OCA2: variants seen among roughly 807,000 people sequenced by gnomAD.
OCA2 encodes OCA2 melanosomal transmembrane protein, also known as P protein.
OCA2 carries 77 observed loss-of-function variants against 100.2 expected under a neutral mutation model. The observed-to-expected ratio is 0.77, with a 90% CI of 0.64 to 0.93. The LOEUF (loss-of-function observed/expected upper bound fraction) is 0.93, where lower values mean the gene tolerates loss of function less well. OCA2 is among the 40% of genes least tolerant of loss of function. OCA2 has a pLI of 0.00. For missense variants in OCA2, 1,062 were observed against 1,089.1 expected (o/e 0.98, Z 0.35); for synonymous variants, 432 against 439.2 (o/e 0.98, Z 0.21).
At chr15:28,054,107 T>C (rs7162355) in intron 2 of OCA2, among the ~76,000 whole-genome samples, 9,747 of 152,320 alleles carry the variant, frequency 0.064, 991 homozygotes, top group African/African-American at 0.22. Flanking sequence ...TGTGCATGTA[T>C]ATAGGTGCAT....
intron 9 of OCA2, among the ~76,000 whole-genome samples, chr15:28,012,595 C>T (rs910224526): frequency 6.6e-6 from 1 of 152,018 alleles, no homozygotes; most frequent in Non-Finnish European, 1.5e-5. Flanking sequence ...AAAAAAAAAT[C>T]AAAGTACAGG....
intron 23 of OCA2, among the ~76,000 whole-genome samples, chr15:27,813,715 C>T (rs2034169750): frequency 6.6e-6 from 1 of 152,142 alleles, no homozygotes; most frequent in South Asian, 2.1e-4. Context: ...ATGAAAGAGG[C>T]TTCTCACACA....
At chr15:28,052,749 G>A (rs186136018) in intron 2 of OCA2, among the ~76,000 whole-genome samples, 12 of 152,286 alleles carry the variant, frequency 7.9e-5, no homozygotes, top group Middle Eastern at 3.4e-3. Context: ...CACAGGCTTC[G>A]ACAAAATTCC....
chr15:28,023,915 C>A (rs1335584701), intron 5 of OCA2, among the ~76,000 whole-genome samples: 6 of 152,124 alleles, frequency 3.9e-5, no homozygotes, highest in Admixed American at 2.6e-4. Flanking sequence ...CACCCACGTG[C>A]AGACACGAAG....
intron 1 of OCA2, among the ~76,000 whole-genome samples, chr15:28,092,317 TG>T (rs1459703728): frequency 4.6e-5 from 7 of 152,208 alleles, no homozygotes; most frequent in Admixed American, 4.6e-4. Flanking sequence ...ATCATGGTGA[TG>T]GTCACACAAC....
intron 23 of OCA2, among the ~76,000 whole-genome samples, chr15:27,768,435 C>T (rs2031454573): frequency 6.6e-6 from 1 of 152,288 alleles, no homozygotes; most frequent in Non-Finnish European, 1.5e-5. Context: ...CCCGACTAGC[C>T]GCCTCACCTA....
the OCA2 span, among the ~76,000 whole-genome samples, chr15:27,747,612 AC>A: frequency 6.6e-6 from 1 of 152,120 alleles, no homozygotes; most frequent in Non-Finnish European, 1.5e-5. Context: ...TATGGAAAGA[AC>A]CCATATAAGA....
chr15:27,938,863 T>A lies in OCA2; in HGVS notation c.1952-12609A>T, dbSNP rs188178517. On this transcript the variant is annotated intron_variant, in intron 18 of 23. Transcript: ENST00000354638. The stretch of plus-strand genomic sequence containing the variant: ...AGTATGGTCTCTGTGGCCTTGGGAG[T>A]GGCGGACTGGACTGAGCTCTGCCCC... Among the ~76,000 whole-genome samples the A allele has an allele frequency of 1.4e-3, 207 of 152,112 alleles. 3 individuals carry two copies. The highest frequency in any genetic ancestry group is 8.8e-5 in the Non-Finnish European group (6 of 67,986).
intron 9 of OCA2, among the ~76,000 whole-genome samples, chr15:27,997,203 GATAT>G (rs2041774608): frequency 1.4e-5 from 2 of 144,530 alleles, no homozygotes; most frequent in African/African-American, 2.5e-5. Flanking sequence ...GAGAGGAAAG[GATAT>G]AAAGGAAAGG....
At chr15:27,762,791 T>A (rs1314117145) in intron 23 of OCA2, among the ~76,000 whole-genome samples, 1 of 152,218 alleles carries the variant, frequency 6.6e-6, no homozygotes, top group Non-Finnish European at 1.5e-5. Flanking sequence ...TAAAAACGGT[T>A]TGCCTAGGCT....
Position 28,011,529 on chromosome 15 carries a change from T to C in OCA2, c.1044+3247A>G, listed in dbSNP as rs374581465. On this transcript the variant is annotated intron_variant, in intron 9 of 23. Transcript: ENST00000354638. ...TAGATCCTGGTCTTAAAAGTAAAAC[T>C]GAAAAAAAAAAAGAAAACCAATCTT... Among the ~76,000 whole-genome samples, 19 of 146,382 alleles carry C rather than the reference T, an allele frequency of 1.3e-4. 1 individual carries two copies. The highest frequency in any genetic ancestry group is 8.8e-4 in the Admixed American group (13 of 14,844).
intron 2 of OCA2, among the ~76,000 whole-genome samples, chr15:28,051,472 A>G (rs1313473450): frequency 6.6e-6 from 1 of 151,644 alleles, no homozygotes; most frequent in African/African-American, 2.4e-5. Flanking sequence ...TTGTTTTTTT[A>G]GCAGAGATGG....
In OCA2 at chr15:27,989,683, A is replaced by G. The variant is rs200081580; in HGVS notation, c.1117-17T>C. ...GCTGGGTCTCTGCAATCAAAGCACA[A>G]ATTTGCCAATTAATCCGTGCGCCGC... On this transcript the variant is annotated splice_polypyrimidine_tract_variant and intron_variant, in intron 10 of 23. Transcript: ENST00000354638. 1,601 of 1,613,316 alleles carry G rather than the reference A, an allele frequency of 9.9e-4. 2 individuals are homozygous for G. Among genetic ancestry groups the G allele is most frequent in the Non-Finnish European group, 1.2e-3 (1,451 of 1,179,382 alleles).
chr15:27,917,000 A>C (rs2038689688), intron 19 of OCA2, among the ~76,000 whole-genome samples: 1 of 152,130 alleles, frequency 6.6e-6, no homozygotes, highest in Non-Finnish European at 1.5e-5. Context: ...ATGAAAGCCC[A>C]GGGCGTGAAG....
At chr15:27,796,806 C>T (rs193193847) in intron 23 of OCA2, among the ~76,000 whole-genome samples, 2 of 152,332 alleles carry the variant, frequency 1.3e-5, no homozygotes, top group East Asian at 3.9e-4. Context: ...CAAGCACAGA[C>T]CTGCCTCCCA....
At chr15:28,014,740 G>A in intron 9 of OCA2, 36 bp downstream of exon 9, 4 of 1,604,902 alleles carry the variant, frequency 2.5e-6, no homozygotes, top group Non-Finnish European at 3.4e-6. Flanking sequence ...CTGACTGTGG[G>A]CCCAGACAGA....
intron 2 of OCA2, among the ~76,000 whole-genome samples, chr15:28,059,372 T>C (rs2043802262): frequency 6.6e-6 from 1 of 152,180 alleles, no homozygotes; most frequent in Non-Finnish European, 1.5e-5. Context: ...TTTTTCCTTA[T>C]TAAAATCATC....
intron 1 of OCA2, among the ~76,000 whole-genome samples, chr15:28,088,877 G>A (rs1455007917): frequency 6.6e-6 from 1 of 152,174 alleles, no homozygotes; most frequent in Non-Finnish European, 1.5e-5. Context: ...CAGGAGACAG[G>A]GTTTGAGAGC....
At chr15:27,800,811 A>AC (rs1481574787) in intron 23 of OCA2, among the ~76,000 whole-genome samples, 3 of 151,682 alleles carry the variant, frequency 2.0e-5, no homozygotes, top group Non-Finnish European at 4.4e-5. Flanking sequence ...CCAAAAAAAA[A>AC]AAAAAAATTA....
Sources: allele counts gnomAD v4.1 joint callset (sites outside exome capture counted in the v4.1 genomes callset), GRCh38; gene constraint gnomAD v4.1.1; transcripts MANE v1.5; gene names NCBI Gene and HGNC (gene_info 2026-07-23, HGNC 2026-07-21).